The following PRICKLE2 variants were observed in gnomAD, a reference collection of about 807,000 sequenced individuals.
The protein encoded by PRICKLE2 is prickle-like protein 2.
In PRICKLE2, 21 loss-of-function variants were observed where a neutral mutation model predicts 81.4. The observed-to-expected ratio is 0.26, with a 90% confidence interval of 0.18 to 0.37. PRICKLE2 has a LOEUF of 0.37. Among genes scored for constraint, PRICKLE2 ranks in the 10% least tolerant of loss-of-function variants. The pLI is 1.00. For synonymous variants in PRICKLE2, 456 were observed against 421.5 expected (o/e 1.08, Z -1.00); for missense variants, 940 against 1,109.0 (o/e 0.85, Z 2.16).
intron 2 of PRICKLE2, among the ~76,000 whole-genome samples, chr3:64,241,341 C>T (rs997415239): frequency 2.0e-5 from 3 of 152,186 alleles, no homozygotes; most frequent in African/African-American, 7.2e-5. Flanking sequence ...TTTCCACAGT[C>T]CCCAGTTCTT....
At chr3:64,204,844 G>A (rs1480932146) in intron 1 of PRICKLE2, among the ~76,000 whole-genome samples, 1 of 151,990 alleles carries the variant, frequency 6.6e-6, no homozygotes, top group Non-Finnish European at 1.5e-5. Context: ...TGTATAAATT[G>A]GGAACCCAAG....
intron 7 of PRICKLE2, among the ~76,000 whole-genome samples, chr3:64,142,109 G>A (rs1382263823): frequency 6.6e-6 from 1 of 152,128 alleles, no homozygotes; most frequent in Non-Finnish European, 1.5e-5. Context: ...AGTAGGATGT[G>A]AAAGGCTATG....
At chr3:64,201,791 C>A (rs2078585494) in intron 1 of PRICKLE2, among the ~76,000 whole-genome samples, 1 of 151,714 alleles carries the variant, frequency 6.6e-6, no homozygotes, top group African/African-American at 2.4e-5. Context: ...TTTTTTTAAT[C>A]ATTTCTAAGA....
At chr3:64,193,943 T>A (rs940471119) in intron 2 of PRICKLE2, among the ~76,000 whole-genome samples, 1 of 152,248 alleles carries the variant, frequency 6.6e-6, no homozygotes, top group African/African-American at 2.4e-5. Context: ...CTTGGGTATG[T>A]CTTTATCAGT....
At chr3:64,185,289 C>G (rs1333123642) in intron 2 of PRICKLE2, among the ~76,000 whole-genome samples, 1 of 151,994 alleles carries the variant, frequency 6.6e-6, no homozygotes, top group Non-Finnish European at 1.5e-5. Flanking sequence ...GTTTACAGAC[C>G]CCCCCTAGAT....
At chr3:64,168,605 G>A (rs1218122060) in intron 2 of PRICKLE2, among the ~76,000 whole-genome samples, 1 of 152,080 alleles carries the variant, frequency 6.6e-6, no homozygotes, top group Non-Finnish European at 1.5e-5. Context: ...CTGGAGGTGG[G>A]TATTTCATAC....
chr3:64,205,310 T>C (rs9826382), intron 1 of PRICKLE2, among the ~76,000 whole-genome samples: 21,085 of 152,146 alleles, frequency 0.14, 1,493 homozygotes, highest in East Asian at 0.22. Flanking sequence ...GGCTTCCGTA[T>C]CTCAGCAGCC....
At chr3:64,171,004 C>T (rs908232467) in intron 2 of PRICKLE2, among the ~76,000 whole-genome samples, 3 of 152,310 alleles carry the variant, frequency 2.0e-5, no homozygotes, top group South Asian at 4.1e-4. Flanking sequence ...CTCCCCACTC[C>T]TTACAACCTG....
intron 2 of PRICKLE2, among the ~76,000 whole-genome samples, chr3:64,239,096 C>T (rs1378438953): frequency 2.0e-5 from 3 of 152,156 alleles, no homozygotes; most frequent in Non-Finnish European, 2.9e-5. Context: ...ACTGCCTTGG[C>T]GAATTATTTA....
At chr3:64,196,703 C>T (rs1302150595) in intron 2 of PRICKLE2, among the ~76,000 whole-genome samples, 1 of 152,080 alleles carries the variant, frequency 6.6e-6, no homozygotes. Context: ...ATTTTCTCCC[C>T]TGTAGTGAGA....
intron 7 of PRICKLE2, among the ~76,000 whole-genome samples, chr3:64,123,318 C>G (rs1022064167): frequency 1.3e-5 from 2 of 152,164 alleles, no homozygotes; most frequent in Non-Finnish European, 2.9e-5. Flanking sequence ...GAAGGATGAA[C>G]AAGGTACAAG....
chr3:64,255,237 T>G (rs1042791645), intron 2 of PRICKLE2, among the ~76,000 whole-genome samples: 3 of 152,214 alleles, frequency 2.0e-5, no homozygotes, highest in African/African-American at 4.8e-5. Context: ...ATGCCTGAGC[T>G]TGCTGGTCAC....
In PRICKLE2 at chr3:64,225,215, AGCCTGAGTGCTCAGATC is replaced by A. The variant is rs960184284; in HGVS notation, c.-363_-347del. 1.0e-6 allele frequency: 1 copy of A among 985,338 alleles called. No homozygotes were observed. The highest frequency in any genetic ancestry group is 1.7e-5 in the African/African-American group (1 of 57,222). 61.0% of individuals were successfully genotyped at this position (985,338 alleles called of 1,614,324 possible). A position where few individuals can be genotyped will look rare whatever the true frequency, so the allele number is the denominator to read the frequency against. On this transcript the variant is annotated 5_prime_UTR_variant, in exon 1 of 8. Coordinates refer to ENST00000638394, the MANE Select transcript of PRICKLE2 (RefSeq NM_198859.4). Reference sequence around the variant, plus strand: ...ATGACTTCTACTCTTCCTCTAGATCAGCCTGAGTGCTCAGATCGCCTTCCGGAGGACCCCCAGTTTCC... The same window carrying A: ...ATGACTTCTACTCTTCCTCTAGATCAGCCTTCCGGAGGACCCCCAGTTTCC...
intron 2 of PRICKLE2, among the ~76,000 whole-genome samples, chr3:64,246,569 G>A (rs545439854): frequency 6.6e-6 from 1 of 152,184 alleles, no homozygotes; most frequent in South Asian, 2.1e-4. Flanking sequence ...CATCTGGAAG[G>A]CTTGTTAAAT....
At chr3:64,153,971 C>CCTCACAAGTGTTTG in intron 5 of PRICKLE2, 1 of 154,222 alleles carries the variant, frequency 6.5e-6, no homozygotes, top group African/African-American at 2.4e-5. Context: ...GCATTTTCCC[C>CCTCACAAGTGTTTG]CAATATAGAG....
At chr3:64,139,113 GA>G (rs1436051786) in intron 7 of PRICKLE2, among the ~76,000 whole-genome samples, 2 of 152,200 alleles carry the variant, frequency 1.3e-5, no homozygotes, top group Non-Finnish European at 2.9e-5. Context: ...CAGCAATGCT[GA>G]AAAATTACCC....
intron 4 of PRICKLE2, among the ~76,000 whole-genome samples, chr3:64,157,627 C>T (rs891670149): frequency 6.6e-6 from 1 of 152,168 alleles, no homozygotes; most frequent in African/African-American, 2.4e-5. Context: ...AAGAAAAGCT[C>T]TTTTAGCACA....
rs185426373 is a variant in PRICKLE2, at chr3:64,257,809, T to C, written c.129-58842A>G. On this transcript the variant is annotated intron_variant, in intron 2 of 8. Coordinates refer to the PRICKLE2 transcript ENST00000295902. ...TTTGTGTCCTTCTCCCTCAAATTCATAGGTTTAAATCCTAACCCCTAAAGT... is the reference window on the plus strand; with the variant it reads ...TTTGTGTCCTTCTCCCTCAAATTCACAGGTTTAAATCCTAACCCCTAAAGT... Among the ~76,000 whole-genome samples, 1,349 of 152,264 alleles carry C rather than the reference T, an allele frequency of 8.9e-3. 22 individuals are homozygous for C. The highest frequency in any genetic ancestry group is 0.034 in the Middle Eastern group (10 of 294).
At chr3:64,140,762 C>T (rs1047378725) in intron 7 of PRICKLE2, among the ~76,000 whole-genome samples, 3 of 152,176 alleles carry the variant, frequency 2.0e-5, no homozygotes, top group Non-Finnish European at 1.5e-5. Flanking sequence ...GACCTTGGCA[C>T]ATCATCTTGG....
Sources: gnomAD v4.1 joint callset for allele counts (sites outside exome capture counted in the v4.1 genomes callset) on GRCh38, gnomAD v4.1.1 for gene constraint, MANE v1.5 for transcripts, NCBI Gene and HGNC (gene_info 2026-07-23, HGNC 2026-07-21) for gene names.